Variants in GCN1 observed in about 807,000 individuals in gnomAD.
GCN1 encodes GCN1 activator of EIF2AK4.
Under a neutral mutation model 288.4 loss-of-function variants are expected in GCN1, and 90 were observed. That is an observed-to-expected ratio of 0.31 (90% CI 0.26 to 0.37). The LOEUF (loss-of-function observed/expected upper bound fraction) is 0.37, where lower values mean the gene tolerates loss of function less well. Ranked by LOEUF, GCN1 falls within the 10% of genes least tolerant of loss-of-function variation. The pLI, the probability that GCN1 is intolerant of heterozygous loss-of-function variation, is 1.00. For missense variants in GCN1, 2,586 were observed against 3,419.9 expected, an observed-to-expected ratio of 0.76 and a Z score of 6.08; for synonymous variants, 1,386 against 1,420.2, an observed-to-expected ratio of 0.98 and a Z score of 0.54.
intron 42 of GCN1, among the ~76,000 whole-genome samples, chr12:120,143,148 GA>G (rs889600016): frequency 1.3e-5 from 2 of 151,968 alleles, no homozygotes; most frequent in Non-Finnish European, 2.9e-5. Context: ...AATGTTGAGG[GA>G]AAAAAACTTT....
intron 2 of GCN1, 35 bp downstream of exon 2, chr12:120,190,263 A>G (rs570589277): frequency 1.9e-6 from 2 of 1,038,964 alleles, no homozygotes; most frequent in South Asian, 2.7e-5. Flanking sequence ...AAAACAATGA[A>G]TATTGTCCAG....
chr12:120,138,537 C>T (rs1417776175), intron 46 of GCN1, 122 bp from the exon 47 acceptor site: 7 of 1,020,286 alleles, frequency 6.9e-6, no homozygotes, highest in Admixed American at 5.2e-5. Flanking sequence ...TCCTCACTGC[C>T]GAAGGCGAAG....
intron 51 of GCN1, 26 bp downstream of exon 51, chr12:120,136,476 T>A: frequency 6.4e-7 from 1 of 1,550,628 alleles, no homozygotes; most frequent in Non-Finnish European, 8.9e-7. Flanking sequence ...TTCTCTAAGA[T>A]CTGAACAAAC....
intron 22 of GCN1, among the ~76,000 whole-genome samples, chr12:120,160,937 G>A (rs752995365): frequency 2.0e-5 from 3 of 152,214 alleles, no homozygotes; most frequent in Non-Finnish European, 4.4e-5. Flanking sequence ...GTCTACTTTG[G>A]ATAGGGTGGA....
chr12:120,146,490 C>G (rs1460219109), intron 38 of GCN1, among the ~76,000 whole-genome samples: 5 of 152,028 alleles, frequency 3.3e-5, no homozygotes, highest in African/African-American at 1.2e-4. Context: ...TTCAGCATCC[C>G]AAAGTCCTGG....
At chr12:120,189,389 G>A (rs1222411338) in intron 2 of GCN1, among the ~76,000 whole-genome samples, 2 of 129,424 alleles carry the variant, frequency 1.5e-5, no homozygotes, top group Middle Eastern at 0.011. Flanking sequence ...TTTTTTTTGA[G>A]TCTCACTCTG....
At chr12:120,194,507 G>A (rs1454237563) in intron 1 of GCN1, among the ~76,000 whole-genome samples, 173 bp downstream of exon 1, 1 of 152,184 alleles carries the variant, frequency 6.6e-6, no homozygotes, top group African/African-American at 2.4e-5. Context: ...GCGCCGCCCG[G>A]GCCGGGCCAA....
chr12:120,152,107 A>G (rs540214184), intron 33 of GCN1, among the ~76,000 whole-genome samples: 1 of 152,202 alleles, frequency 6.6e-6, no homozygotes, highest in South Asian at 2.1e-4. Flanking sequence ...ATAATTCACT[A>G]TAACCTTGAA....
In GCN1 at chr12:120,153,138, G is replaced by C; in HGVS notation, c.4062+75C>G. On this transcript the variant is annotated intron_variant, in intron 33 of 57. Transcript: ENST00000300648. This position sits in a 1 kb window ranked among gnomAD's most constrained non-coding sequence, Gnocchi z 4.4. ...CCCTGATTGTCCAACTCCACCCCTA[G>C]TATCCCACCGCCTAACCACAGCCGG... 7.8e-7 allele frequency: 1 copy of C among 1,289,932 alleles called. No individual in the cohort carries two copies. The highest frequency in any genetic ancestry group is 2.4e-5 in the East Asian group (1 of 42,188). The allele number at this position is 1,289,932 out of a possible 1,614,324, so 79.9% of individuals were successfully genotyped here.
Position 120,163,182 on chromosome 12 carries a change from G to A in GCN1, c.1926C>T (p.Val642=). Residue 642 remains valine, a synonymous_variant, in exon 19 of 58, where the codon GTC becomes GTT. Coordinates refer to ENST00000300648, the MANE Select transcript of GCN1 (RefSeq NM_006836.2). ...EAGKAYVPPR[V]LQEALCVISG... Reference sequence around the variant, plus strand: ...AGATGACACACAGAGCCTCCTGCAGGACCCGTGGAGGCACGTAGGCCTTGC... The same window carrying A: ...AGATGACACACAGAGCCTCCTGCAGAACCCGTGGAGGCACGTAGGCCTTGC... 1 of 1,613,862 alleles carries A rather than the reference G, an allele frequency of 6.2e-7. No individual in the cohort carries two copies. Among genetic ancestry groups the A allele is most frequent in the Non-Finnish European group, 8.5e-7 (1 of 1,179,742 alleles).
At position 120,137,937 on chromosome 12, in the gene GCN1, G is replaced by C. The variant is rs1043357253; in HGVS notation, c.6357C>G (p.Ala2119=). ...CTGGGGTCCCAAGCTTTTCCTTCAGGGCCAGCATGACCGCTGGGAGGATCA... is the reference window on the plus strand; with the variant it reads ...CTGGGGTCCCAAGCTTTTCCTTCAGCGCCAGCATGACCGCTGGGAGGATCA... ...LGVILPAVML[A]LKEKLGTPDE... Residue 2119 remains alanine (A), a synonymous_variant, in exon 48 of 58, where the codon GCC becomes GCG. Transcript: ENST00000300648. The surrounding 1 kb of genome is among the most constrained non-coding windows in gnomAD (Gnocchi z 5.2). The C allele has an allele frequency of 6.2e-7, 1 of 1,614,104 alleles. No individual in the cohort carries two copies. Among genetic ancestry groups the C allele is most frequent in the East Asian group, 2.2e-5 (1 of 44,888 alleles).
In GCN1 at chr12:120,166,528, C is replaced by A. The variant is rs557001136; in HGVS notation, c.1612+1680G>T. ...GACCAGCCTGGCTAACACTGTGAAA[C>A]CCCATCTCTTCTAAAAATACAAAAA... On this transcript the variant is annotated intron_variant, in intron 16 of 57. Coordinates refer to ENST00000300648, the MANE Select transcript of GCN1 (RefSeq NM_006836.2). Among the ~76,000 whole-genome samples, 31 of 151,552 alleles carry A rather than the reference C, an allele frequency of 2.0e-4. No homozygotes were observed. The South Asian group carries it at 6.1e-3, about 30-fold the overall frequency.
In GCN1 at chr12:120,131,286, C is replaced by A. The variant is rs751993290; in HGVS notation, c.7462G>T (p.Ala2488Ser). 1.6e-5 allele frequency: 26 copies of A among 1,614,016 alleles called. 1 individual carries two copies. The South Asian group carries it at 2.5e-4, about 16-fold the overall frequency. Reference sequence around the variant, plus strand: ...GCCACATTCACAGCCACGGAAAGTGCCAGGCTCCGCCCGTGCCGAACCATC... The same window carrying A: ...GCCACATTCACAGCCACGGAAAGTGACAGGCTCCGCCCGTGCCGAACCATC... ...DWMVRHGRSL[A>S]LSVAVNVAPG... The change falls in exon 55 of 58, where the codon GCA becomes TCA. Residue 2488 changes from alanine (A) to serine (S), a missense_variant. By Grantham distance (99) the Ala-to-Ser change is moderately conservative. Coordinates refer to ENST00000300648, the MANE Select transcript of GCN1 (RefSeq NM_006836.2).
In GCN1 at chr12:120,161,965, G is replaced by T; in HGVS notation, c.2257C>A (p.Pro753Thr). The part of the protein sequence containing the change: ...ISTITASVQN[P>T]ALRLVTREEF... ...TCCCGCGTCACCAGGCGCAGTGCAGGGTTCTGCACGGAGGCAGTGATGGTG... is the reference window on the plus strand; with the variant it reads ...TCCCGCGTCACCAGGCGCAGTGCAGTGTTCTGCACGGAGGCAGTGATGGTG... The change falls in exon 21 of 58, where the codon CCT becomes ACT. Residue 753 changes from proline (P) to threonine (T), a missense_variant. This residue lies in a region of GCN1 where 913 missense variants were observed against 1,107.0 expected (regional missense o/e 0.82). Transcript: ENST00000300648. 1.2e-6 allele frequency: 2 copies of T among 1,613,774 alleles called. No individual in the cohort carries two copies. Among genetic ancestry groups the T allele is most frequent in the Non-Finnish European group, 1.7e-6 (2 of 1,179,732 alleles).
At chr12:120,176,620 T>C (rs1353712561) in intron 9 of GCN1, among the ~76,000 whole-genome samples, 2 of 152,232 alleles carry the variant, frequency 1.3e-5, no homozygotes, top group African/African-American at 4.8e-5. Flanking sequence ...AAGTGAACAC[T>C]TGATATTTTC....
At chr12:120,169,928 G>T (rs1878265563) in intron 15 of GCN1, among the ~76,000 whole-genome samples, 1 of 152,146 alleles carries the variant, frequency 6.6e-6, no homozygotes, top group Non-Finnish European at 1.5e-5. Flanking sequence ...GTCCATCTAG[G>T]TATCATCTAC....
chr12:120,185,163 T>C (rs1878781949), intron 2 of GCN1, among the ~76,000 whole-genome samples: 1 of 152,228 alleles, frequency 6.6e-6, no homozygotes, highest in South Asian at 2.1e-4. Flanking sequence ...TCAGGAGTGC[T>C]GGAATGGTTC....
Position 120,137,762 on chromosome 12 carries a change from T to C in GCN1, c.6446A>G (p.His2149Arg). ...VILSVEDDTG[H>R]RIIIEDLLEA... Reference sequence around the variant, plus strand: ...CAGCAGATCCTCGATGATGATCCGGTGCCCTGTGTCATCCTCTACGGAGAG... The same window carrying C: ...CAGCAGATCCTCGATGATGATCCGGCGCCCTGTGTCATCCTCTACGGAGAG... Residue 2149 changes from histidine to arginine, a missense_variant, in exon 49 of 58, where the codon CAC becomes CGC. His to Arg is a conservative substitution (Grantham distance 29, BLOSUM62 0). This residue lies in a region of GCN1 where 437 missense variants were observed against 570.5 expected (regional missense o/e 0.77). Coordinates refer to ENST00000300648, the MANE Select transcript of GCN1 (RefSeq NM_006836.2). The surrounding 1 kb of genome is among the most constrained non-coding windows in gnomAD (Gnocchi z 5.2). 1 of 1,614,014 alleles carries C rather than the reference T, an allele frequency of 6.2e-7. No individual in the cohort carries two copies. Among genetic ancestry groups the C allele is most frequent in the Non-Finnish European group, 8.5e-7 (1 of 1,179,910 alleles).
At chr12:120,167,723 C>T (rs1021781674) in intron 16 of GCN1, among the ~76,000 whole-genome samples, 1 of 152,042 alleles carries the variant, frequency 6.6e-6, no homozygotes, top group Non-Finnish European at 1.5e-5. Flanking sequence ...TGGGATGTTG[C>T]GATTTATGAG....
Sources: allele counts gnomAD v4.1 joint callset (sites outside exome capture counted in the v4.1 genomes callset), GRCh38; gene constraint gnomAD v4.1.1; regional missense constraint gnomAD v4.1.1; non-coding constraint Gnocchi (gnomAD v3.1); transcripts MANE v1.5; gene names NCBI Gene and HGNC (gene_info 2026-07-23, HGNC 2026-07-21).